The following ITGA1 variants were observed in gnomAD, a reference collection of about 807,000 sequenced individuals.
ITGA1 encodes the protein integrin subunit alpha 1.
ITGA1 carries 85 observed loss-of-function variants against 145.9 expected under a neutral mutation model. The observed-to-expected ratio is 0.58, with a 90% confidence interval of 0.49 to 0.70. ITGA1 has a LOEUF of 0.70. ITGA1 is among the 30% of genes least tolerant of loss of function. The pLI, the probability that ITGA1 is intolerant of heterozygous loss-of-function variation, is 0.00. For missense variants in ITGA1, 1,351 were observed against 1,418.7 expected (o/e 0.95, Z 0.77); for synonymous variants, 520 against 495.3 (o/e 1.05, Z -0.66).
chr5:52,800,278 G>A, intron 1 of ITGA1: 2 of 1,055,342 alleles, frequency 1.9e-6, no homozygotes, highest in Non-Finnish European at 2.8e-6. Context: ...CCAGGCAAGT[G>A]CCCTTAGAAA....
chr5:52,808,052 G>C (rs1580036525), intron 1 of ITGA1, among the ~76,000 whole-genome samples: 1 of 152,190 alleles, frequency 6.6e-6, no homozygotes, highest in Admixed American at 6.5e-5. Context: ...GCTGATAGTG[G>C]GAGTGGATTC....
intron 3 of ITGA1, among the ~76,000 whole-genome samples, chr5:52,862,148 G>T (rs1450201364): frequency 6.7e-6 from 1 of 149,576 alleles, no homozygotes; most frequent in South Asian, 2.1e-4. Context: ...AACCTGGGAG[G>T]CAGAGGTTGT....
chr5:52,811,975 G>C (rs1415466360), intron 1 of ITGA1, among the ~76,000 whole-genome samples: 2 of 152,128 alleles, frequency 1.3e-5, no homozygotes, highest in Non-Finnish European at 2.9e-5. Context: ...AGGAGCCCAG[G>C]CATCTGTACA....
rs1184688731 is a variant in ITGA1 at position 52,910,382 on chromosome 5, A to C, written c.1820A>C (p.His607Pro). 1 of 1,613,798 alleles carries C rather than the reference A, an allele frequency of 6.2e-7. No individual in the cohort carries two copies. The highest frequency in any genetic ancestry group is 8.5e-7 in the Non-Finnish European group (1 of 1,179,816). Residue 607 changes from histidine to proline, a missense_variant, in exon 14 of 29, where the codon CAT becomes CCT. Physicochemically the swap from His to Pro is moderately conservative, Grantham distance 77. Coordinates refer to ENST00000282588, the MANE Select transcript of ITGA1 (RefSeq NM_181501.2). ...CACGGGGGAGCTGTGTACATTTATC[A>C]TGGAAGTGGCAAGACTATAAGGAAA... ...DDHGGAVYIY[H>P]GSGKTIRKEY...
chr5:52,825,165 G>A (rs1407718727), intron 1 of ITGA1: 7 of 152,156 alleles, frequency 4.6e-5, no homozygotes, highest in South Asian at 2.1e-4. Context: ...TTAACATGCC[G>A]CTTTAAATAA....
intron 9 of ITGA1, among the ~76,000 whole-genome samples, chr5:52,895,909 C>T (rs1285349592): frequency 3.9e-5 from 6 of 151,980 alleles, no homozygotes; most frequent in South Asian, 4.2e-4. Context: ...CTTTGTTGCT[C>T]GGGAAATCTC....
chr5:52,912,490 TATATA>T (rs1480660829), intron 14 of ITGA1, among the ~76,000 whole-genome samples: 2 of 124,868 alleles, frequency 1.6e-5, no homozygotes, highest in African/African-American at 3.2e-5. Context: ...ATATGTATTA[TATATA>T]GTGTATCCAC....
At chr5:52,920,758 G>A (rs1285378869) in intron 17 of ITGA1, among the ~76,000 whole-genome samples, 1 of 152,140 alleles carries the variant, frequency 6.6e-6, no homozygotes, top group African/African-American at 2.4e-5. Flanking sequence ...CCTTATTCAT[G>A]TCTTCATTTC....
At chr5:52,898,461 T>C (rs1750265610) in intron 11 of ITGA1, 78 bp downstream of exon 11, 1 of 1,277,014 alleles carries the variant, frequency 7.8e-7, no homozygotes, top group East Asian at 2.4e-5. Flanking sequence ...CTTATGTTTC[T>C]ATAGGCTTGC....
intron 6 of ITGA1, among the ~76,000 whole-genome samples, chr5:52,878,185 T>C (rs1371695391): frequency 6.6e-6 from 1 of 152,100 alleles, no homozygotes; most frequent in Non-Finnish European, 1.5e-5. Flanking sequence ...TTTTCAGTCT[T>C]TGGGGTAAAG....
intron 8 of ITGA1, among the ~76,000 whole-genome samples, chr5:52,891,015 A>G (rs1218812212): frequency 1.3e-5 from 2 of 152,116 alleles, no homozygotes; most frequent in East Asian, 3.8e-4. Flanking sequence ...CATTTAATAT[A>G]ATGTTCTTCA....
At chr5:52,934,535 T>G (rs1750937902) in intron 23 of ITGA1, among the ~76,000 whole-genome samples, 1 of 151,972 alleles carries the variant, frequency 6.6e-6, no homozygotes. Flanking sequence ...ATGTTGGTAC[T>G]ACCACCTCCT....
intron 6 of ITGA1, among the ~76,000 whole-genome samples, chr5:52,872,722 T>G (rs1749797195): frequency 6.6e-6 from 1 of 151,916 alleles, no homozygotes; most frequent in Non-Finnish European, 1.5e-5. Context: ...GCCCTTGCCT[T>G]CCTTGTTCAT....
intron 2 of ITGA1, among the ~76,000 whole-genome samples, chr5:52,858,484 T>G (rs1205475812): frequency 6.6e-6 from 1 of 152,228 alleles, no homozygotes; most frequent in South Asian, 2.1e-4. Flanking sequence ...AAAATTGTGT[T>G]TTATTCACTT....
At position 52,865,784 on chromosome 5, in the gene ITGA1, T is replaced by G; in HGVS notation, c.591T>G (p.Leu197=). The part of the protein sequence containing the change: ...DSVTAFLNDL[L]ERMDIGPKQT... ...TTACAGCTTTTTTAAATGACCTTCTTGAAAGAATGGATATTGGTCCTAAAC... is the reference window on the plus strand; with the variant it reads ...TTACAGCTTTTTTAAATGACCTTCTGGAAAGAATGGATATTGGTCCTAAAC... The change falls in exon 6 of 29, where the codon CTT becomes CTG. Residue 197 remains leucine (L), a synonymous_variant. Coordinates refer to ENST00000282588, the MANE Select transcript of ITGA1 (RefSeq NM_181501.2). The G allele has an allele frequency of 1.2e-6, 2 of 1,603,356 alleles. No homozygotes were observed. The highest frequency in any genetic ancestry group is 2.2e-5 in the South Asian group (2 of 89,658).
At chr5:52,866,409 T>A (rs1263397463) in intron 6 of ITGA1, among the ~76,000 whole-genome samples, 1 of 152,220 alleles carries the variant, frequency 6.6e-6, no homozygotes, top group Non-Finnish European at 1.5e-5. Context: ...TATAAACTCA[T>A]AGTTTAATTT....
intron 26 of ITGA1, among the ~76,000 whole-genome samples, chr5:52,942,281 A>G (rs1199696702): frequency 6.6e-6 from 1 of 152,144 alleles, no homozygotes; most frequent in African/African-American, 2.4e-5. Context: ...ATCCACATGA[A>G]TTTTAGAATA....
At chr5:52,920,539 C>A (rs760410982) in intron 17 of ITGA1, 71 bp downstream of exon 17, 1 of 1,192,646 alleles carries the variant, frequency 8.4e-7, no homozygotes, top group South Asian at 2.2e-5. Flanking sequence ...TATTTCAAGT[C>A]AATCAAATTC....
At chr5:52,854,615 G>T (rs919573285) in intron 2 of ITGA1, among the ~76,000 whole-genome samples, 1 of 152,122 alleles carries the variant, frequency 6.6e-6, no homozygotes, top group African/African-American at 2.4e-5. Context: ...AGACATCAAG[G>T]CAGAGTTAGT....
Sources: allele counts gnomAD v4.1 joint callset (sites outside exome capture counted in the v4.1 genomes callset), GRCh38; gene constraint gnomAD v4.1.1; transcripts MANE v1.5; gene names NCBI Gene and HGNC (gene_info 2026-07-23, HGNC 2026-07-21).